Variants in LGALS3 observed in about 807,000 individuals in gnomAD.
The protein encoded by LGALS3 is galectin-3.
In LGALS3, 18 loss-of-function variants were observed where a neutral mutation model predicts 20.7. That is an observed-to-expected ratio of 0.87 (90% confidence interval 0.60 to 1.29). The LOEUF is 1.29. Among genes scored for constraint, LGALS3 ranks in the 50% most tolerant of loss-of-function variants. The pLI is 0.00. For synonymous variants in LGALS3, 112 were observed against 119.6 expected (o/e 0.94, Z 0.42); for missense variants, 315 against 314.7 (o/e 1.00, Z -0.01).
chr14:55,144,091 C>G (rs758101696), intron 5 of LGALS3, among the ~76,000 whole-genome samples: 1 of 152,196 alleles, frequency 6.6e-6, no homozygotes, highest in Non-Finnish European at 1.5e-5. Flanking sequence ...CAACATTTGC[C>G]AGAGGAATCC....
intron 1 of LGALS3, among the ~76,000 whole-genome samples, chr14:55,135,757 G>C (rs891476728): frequency 6.6e-6 from 1 of 151,728 alleles, no homozygotes; most frequent in Non-Finnish European, 1.5e-5. Flanking sequence ...TAGAGACAGG[G>C]TTTTGCCATA....
chr14:55,129,842 C>A lies in LGALS3; in HGVS notation c.-5+542C>A, dbSNP rs1475549930. ...AGGGACTTCCCAGGACTGCATAGGG[C>A]GCCTCCCGGGACCCACAGCTTGGCT... On this transcript the variant is annotated intron_variant, in intron 1 of 5. Transcript: ENST00000254301. This position sits in a 1 kb window ranked among gnomAD's most constrained non-coding sequence, Gnocchi z 5.3. Among the ~76,000 whole-genome samples the A allele has an allele frequency of 1.3e-5, 2 of 152,218 alleles. No individual in the cohort carries two copies. The highest frequency in any genetic ancestry group is 2.9e-5 in the Non-Finnish European group (2 of 68,034).
At chr14:55,140,808 A>G (rs1330657364) in intron 4 of LGALS3, among the ~76,000 whole-genome samples, 31 of 152,216 alleles carry the variant, frequency 2.0e-4, no homozygotes, top group Non-Finnish European at 1.6e-4. Context: ...CTTCATCATT[A>G]TAAATCAACC....
At position 55,140,261 on chromosome 14, in the gene LGALS3, T is replaced by C; in HGVS notation, c.343-14T>C. 6.4e-7 allele frequency: 1 copy of C among 1,571,532 alleles called. No individual in the cohort carries two copies. Among genetic ancestry groups the C allele is most frequent in the East Asian group, 2.2e-5 (1 of 44,692 alleles). On this transcript the variant is annotated splice_polypyrimidine_tract_variant and intron_variant, in intron 3 of 5. Transcript: ENST00000254301. ...TGACTCCTTATTGACACATATGTAC[T>C]TGTTAATTCCCAGATTGTGCCTTAT... is the stretch of plus-strand genomic sequence containing the variant.
chr14:55,136,811 CCTCA>C (rs1417120110), intron 1 of LGALS3, among the ~76,000 whole-genome samples: 7 of 151,204 alleles, frequency 4.6e-5, no homozygotes, highest in Non-Finnish European at 8.8e-5. Flanking sequence ...TCCCACCCTC[CCTCA>C]CTACCTTTCC....
chr14:55,142,606 G>C lies in LGALS3; in HGVS notation c.454G>C (p.Gly152Arg). 1.2e-6 allele frequency: 2 copies of C among 1,613,680 alleles called. No homozygotes were observed. The highest frequency in any genetic ancestry group is 1.7e-6 in the Non-Finnish European group (2 of 1,179,630). ...ANRIALDFQRGNDVAFHFNPR... is the reference protein window; with the variant it reads ...ANRIALDFQRRNDVAFHFNPR... ...CAGAATTGCTTTAGATTTCCAAAGA[G>C]GGAATGATGTTGCCTTCCACTTTAA... Residue 152 changes from glycine to arginine, a missense_variant, in exon 5 of 6, where the codon GGG (glycine) becomes CGG (arginine). Coordinates refer to ENST00000254301, the MANE Select transcript of LGALS3 (RefSeq NM_002306.4).
intron 4 of LGALS3, 191 bp downstream of exon 4, chr14:55,140,554 C>T: frequency 2.0e-6 from 1 of 491,640 alleles, no homozygotes; most frequent in Non-Finnish European, 3.6e-6. Context: ...TACATATTCC[C>T]ATATAATTTT....
At chr14:55,140,222 T>C in intron 3 of LGALS3, 53 bp from the exon 4 acceptor site, 2 of 1,187,434 alleles carry the variant, frequency 1.7e-6, no homozygotes, top group Non-Finnish European at 2.5e-6. Flanking sequence ...CATCGTTTTT[T>C]CCCCAAAGAA....
At chr14:55,145,025 T>C in intron 5 of LGALS3, 91 bp from the exon 6 acceptor site, 1 of 1,025,336 alleles carries the variant, frequency 9.8e-7, no homozygotes, top group Non-Finnish European at 1.5e-6. Context: ...GTTTCTATAG[T>C]GCAGATGAAA....
At chr14:55,143,340 A>G (rs1881695200) in intron 5 of LGALS3, 1 of 278,772 alleles carries the variant, frequency 3.6e-6, no homozygotes, top group Admixed American at 4.9e-5. Context: ...CTGGAGTGTA[A>G]ACTCTTCAAC....
chr14:55,142,647 GAAC>G lies in LGALS3; in HGVS notation c.500_502del (p.Asn167del), dbSNP rs776734600. 1.3e-4 allele frequency: 216 copies of G among 1,612,932 alleles called. No individual in the cohort carries two copies. The highest frequency in any genetic ancestry group is 1.6e-4 in the Non-Finnish European group (194 of 1,179,052). On this transcript the variant is annotated inframe_deletion, in exon 5 of 6. Transcript: ENST00000254301. Reference sequence around the variant, plus strand: ...TCCACTTTAACCCACGCTTCAATGAGAACAACAGGAGAGTCATTGTTTGCAATA... The same window carrying G: ...TCCACTTTAACCCACGCTTCAATGAGAACAGGAGAGTCATTGTTTGCAATA...
chr14:55,138,347 T>C lies in LGALS3; in HGVS notation c.321T>C (p.Tyr107=). Reference sequence around the variant, plus strand: ...GAGCCTACCCTGCCACTGGCCCCTATGGCGCCCCTGCTGGGCCACTGGTGA... The same window carrying C: ...GAGCCTACCCTGCCACTGGCCCCTACGGCGCCCCTGCTGGGCCACTGGTGA... The part of the protein sequence containing the change: ...ATGAYPATGP[Y]GAPAGPLIVP... Residue 107 remains tyrosine (Y), a synonymous_variant, in exon 3 of 6, where the codon TAT becomes TAC. Coordinates refer to ENST00000254301, the MANE Select transcript of LGALS3 (RefSeq NM_002306.4). 6.2e-7 allele frequency: 1 copy of C among 1,612,904 alleles called. No individual in the cohort carries two copies. The highest frequency in any genetic ancestry group is 8.5e-7 in the Non-Finnish European group (1 of 1,179,946).
Position 55,140,366 on chromosome 14 carries a change from A to G in LGALS3, c.431+3A>G. Reference sequence around the variant, plus strand: ...ACGGTGAAGCCCAATGCAAACAGGTAAGGAGAGCAAAATTAACAAGTCTAC... The same window carrying G: ...ACGGTGAAGCCCAATGCAAACAGGTGAGGAGAGCAAAATTAACAAGTCTAC... On this transcript the variant is annotated splice_donor_region_variant and intron_variant, in intron 4 of 5. Transcript: ENST00000254301. 1 of 1,596,392 alleles carries G rather than the reference A, an allele frequency of 6.3e-7. No homozygotes were observed. The highest frequency in any genetic ancestry group is 2.2e-5 in the East Asian group (1 of 44,736).
intron 5 of LGALS3, among the ~76,000 whole-genome samples, chr14:55,143,221 A>G (rs951472758): frequency 6.6e-6 from 1 of 152,224 alleles, no homozygotes; most frequent in Admixed American, 6.5e-5. Context: ...TTCGATGAGT[A>G]TCTTCCCAGT....
intron 5 of LGALS3, 68 bp downstream of exon 5, chr14:55,142,817 A>C: frequency 1.6e-6 from 2 of 1,274,122 alleles, no homozygotes; most frequent in Non-Finnish European, 2.2e-6. Flanking sequence ...TAAAACCCCA[A>C]AGCACTTGAA....
At chr14:55,142,527 C>T (rs769183060) in intron 4 of LGALS3, 57 bp from the exon 5 acceptor site, 33 of 1,412,718 alleles carry the variant, frequency 2.3e-5, no homozygotes, top group Non-Finnish European at 3.2e-5. Flanking sequence ...ATGTTCTTTA[C>T]ACAGTGCAAA....
intron 3 of LGALS3, among the ~76,000 whole-genome samples, chr14:55,139,209 G>A (rs756385221): frequency 9.9e-5 from 15 of 152,138 alleles, no homozygotes; most frequent in African/African-American, 1.7e-4. Context: ...ACAGGCAGAT[G>A]TAAGAGAGAT....
chr14:55,143,130 G>C lies in LGALS3; in HGVS notation c.597+381G>C, dbSNP rs80331783. On this transcript the variant is annotated intron_variant, in intron 5 of 5. Coordinates refer to ENST00000254301, the MANE Select transcript of LGALS3 (RefSeq NM_002306.4). Reference sequence around the variant, plus strand: ...AAAGGTTTTTTATTCTAAAATTAAAGTTTTATGAAAAGTTTATAAATTTTT... The same window carrying C: ...AAAGGTTTTTTATTCTAAAATTAAACTTTTATGAAAAGTTTATAAATTTTT... 7.6e-3 allele frequency among the ~76,000 whole-genome samples: 1,164 copies of C among 152,288 alleles called. 5 individuals carry two copies. The highest frequency in any genetic ancestry group is 0.013 in the Non-Finnish European group (878 of 68,008).
At chr14:55,137,903 A>G (rs1367622585) in intron 2 of LGALS3, 142 bp from the exon 3 acceptor site, 1 of 1,332,844 alleles carries the variant, frequency 7.5e-7, no homozygotes, top group African/African-American at 1.5e-5. Flanking sequence ...CAAACTATTA[A>G]TAAGTGGAAA....
Sources: allele counts gnomAD v4.1 joint callset (sites outside exome capture counted in the v4.1 genomes callset), GRCh38; gene constraint gnomAD v4.1.1; non-coding constraint Gnocchi (gnomAD v3.1); transcripts MANE v1.5; gene names NCBI Gene and HGNC (gene_info 2026-07-23, HGNC 2026-07-21).